Variants in ETV1 observed in about 807,000 individuals in gnomAD.
The protein encoded by ETV1 is ETS translocation variant 1.
Under a neutral mutation model 62.3 loss-of-function variants are expected in ETV1, and 27 were observed. The ratio of observed to expected loss-of-function variants is 0.43; its 90% confidence interval spans 0.32 to 0.60. The LOEUF (loss-of-function observed/expected upper bound fraction) is 0.60, where lower values mean the gene tolerates loss of function less well. Among genes scored for constraint, ETV1 ranks in the 20% least tolerant of loss-of-function variants. The pLI is 0.06. For synonymous variants in ETV1, 222 were observed against 199.6 expected (o/e 1.11, Z -0.94); for missense variants, 605 against 605.8 (o/e 1.00, Z 0.01).
chr7:13,979,098 A>C (rs144303572), intron 5 of ETV1, among the ~76,000 whole-genome samples: 1,806 of 152,244 alleles, frequency 0.012, 34 homozygotes, highest in African/African-American at 0.041. Context: ...CAAAGTTAGC[A>C]AACTGCAAAT....
chr7:13,925,151 G>C (rs1785265250), intron 9 of ETV1, among the ~76,000 whole-genome samples: 1 of 151,982 alleles, frequency 6.6e-6, no homozygotes, highest in African/African-American at 2.4e-5. Context: ...TCTTGCCTTT[G>C]AAAGTTCTTC....
At chr7:13,948,076 C>T (rs1031016479) in intron 6 of ETV1, among the ~76,000 whole-genome samples, 3 of 152,160 alleles carry the variant, frequency 2.0e-5, no homozygotes, top group Non-Finnish European at 2.9e-5. Flanking sequence ...AGGCAATCTG[C>T]CTTCTTTCAA....
At chr7:13,938,204 C>A (rs537661973) in intron 7 of ETV1, among the ~76,000 whole-genome samples, 38 of 152,182 alleles carry the variant, frequency 2.5e-4, no homozygotes, top group Non-Finnish European at 5.0e-4. Context: ...CTCTGCCTCC[C>A]AAAGTGCTGG....
chr7:13,938,234 T>G (rs1787040161), intron 7 of ETV1, among the ~76,000 whole-genome samples: 1 of 152,214 alleles, frequency 6.6e-6, no homozygotes, highest in African/African-American at 2.4e-5. Context: ...CATGAGCCAC[T>G]GCGTCTGGCC....
At chr7:13,958,207 C>A (rs1789718325) in intron 6 of ETV1, among the ~76,000 whole-genome samples, 1 of 152,046 alleles carries the variant, frequency 6.6e-6, no homozygotes, top group Non-Finnish European at 1.5e-5. Flanking sequence ...ATACATTATA[C>A]CCTTTGCTTT....
intron 9 of ETV1, among the ~76,000 whole-genome samples, chr7:13,915,657 C>G (rs1784073098): frequency 6.6e-6 from 1 of 152,146 alleles, no homozygotes; most frequent in African/African-American, 2.4e-5. Context: ...ATATGCCATA[C>G]TTTTAGCCTG....
chr7:13,988,791 G>A (rs776583336), intron 3 of ETV1: 4 of 1,606,348 alleles, frequency 2.5e-6, no homozygotes, highest in Non-Finnish European at 3.4e-6. Flanking sequence ...TCAGAAAAAG[G>A]GGTCTTAAAA....
At chr7:13,936,276 A>G (rs1786799013) in intron 7 of ETV1, among the ~76,000 whole-genome samples, 1 of 152,206 alleles carries the variant, frequency 6.6e-6, no homozygotes, top group South Asian at 2.1e-4. Flanking sequence ...CTGATATTAT[A>G]TTCTTCTTTT....
In ETV1 at chr7:13,892,214, T is replaced by C. The variant is rs1460516608; in HGVS notation, c.*3652A>G. 4.3e-6 allele frequency: 1 copy of C among 232,524 alleles called. No individual in the cohort carries two copies. The highest frequency in any genetic ancestry group is 8.5e-6 in the Non-Finnish European group (1 of 117,736). 14.4% of individuals were successfully genotyped at this position (232,524 alleles called of 1,614,324 possible). On this transcript the variant is annotated 3_prime_UTR_variant, in exon 14 of 14. Transcript: ENST00000430479. ...ATGTATTAAAAAATAAAATCTGGAT[T>C]AGACCACTGATTTAACTGTTATTAC...
intron 5 of ETV1, chr7:13,986,393 C>G: frequency 6.7e-7 from 1 of 1,483,700 alleles, no homozygotes; most frequent in Non-Finnish European, 8.9e-7. Context: ...TTAGTTCTTG[C>G]CAAAAGCAGA....
chr7:13,932,173 C>T lies in ETV1; in HGVS notation c.555-424G>A, dbSNP rs150569888. Reference sequence around the variant, plus strand: ...TATACCAGAAAAAGATCTCAAACTGCATCCTCTATCTTTTAATTCTGTTAC... The same window carrying T: ...TATACCAGAAAAAGATCTCAAACTGTATCCTCTATCTTTTAATTCTGTTAC... On this transcript the variant is annotated intron_variant, in intron 8 of 13. Transcript: ENST00000430479. 4.1e-3 allele frequency among the ~76,000 whole-genome samples: 628 copies of T among 152,174 alleles called. 5 individuals carry two copies. Among genetic ancestry groups the T allele is most frequent in the African/African-American group, 0.014 (596 of 41,518 alleles).
At chr7:13,979,690 C>A (rs1298293156) in intron 5 of ETV1, among the ~76,000 whole-genome samples, 4 of 152,050 alleles carry the variant, frequency 2.6e-5, no homozygotes, top group African/African-American at 7.2e-5. Context: ...TCAACCACAA[C>A]AATTACTGGG....
intron 8 of ETV1, among the ~76,000 whole-genome samples, chr7:13,935,055 T>A (rs1411312966): frequency 1.3e-5 from 2 of 152,240 alleles, no homozygotes; most frequent in African/African-American, 4.8e-5. Context: ...TACTTAAATA[T>A]GAATTTCTTA....
chr7:13,901,219 G>C (rs1178691537), intron 12 of ETV1, among the ~76,000 whole-genome samples: 2 of 152,090 alleles, frequency 1.3e-5, no homozygotes, highest in African/African-American at 4.8e-5. Flanking sequence ...TGGCCAGGCT[G>C]GTCTCGAACT....
At chr7:13,915,666 T>C (rs1457030713) in intron 9 of ETV1, among the ~76,000 whole-genome samples, 2 of 152,212 alleles carry the variant, frequency 1.3e-5, no homozygotes, top group Admixed American at 1.3e-4. Flanking sequence ...ACTTTTAGCC[T>C]GCTTTTCCAA....
intron 5 of ETV1, chr7:13,986,244 AATG>A (rs2128513379): frequency 1.9e-6 from 3 of 1,545,820 alleles, no homozygotes; most frequent in African/African-American, 1.4e-5. Context: ...AACACCAAAT[AATG>A]ATATGCGCTG....
Position 13,989,595 on chromosome 7 carries a change from A to C in ETV1, c.-317T>G. On this transcript the variant is annotated 5_prime_UTR_variant, in exon 1 of 14. Transcript: ENST00000430479. ...CCACGCTAGGCGAAAGGCTGCAAAA[A>C]CTTCCCTCCAAATTTAATAAAAACA... 1.3e-5 allele frequency: 5 copies of C among 398,978 alleles called. No homozygotes were observed. The highest frequency in any genetic ancestry group is 2.2e-5 in the Non-Finnish European group (5 of 226,124). 24.7% of individuals were successfully genotyped at this position (398,978 alleles called of 1,614,324 possible). A position where few individuals can be genotyped will look rare whatever the true frequency, so the allele number is the denominator to read the frequency against.
intron 9 of ETV1, among the ~76,000 whole-genome samples, chr7:13,924,120 G>A (rs1193384334): frequency 2.0e-5 from 3 of 152,044 alleles, no homozygotes; most frequent in African/African-American, 4.8e-5. Context: ...TCTTTACATC[G>A]ATTTGAGATC....
intron 5 of ETV1, among the ~76,000 whole-genome samples, chr7:13,981,300 C>A (rs1255047836): frequency 6.6e-6 from 1 of 152,100 alleles, no homozygotes; most frequent in Non-Finnish European, 1.5e-5. Flanking sequence ...GCAGGCAGAA[C>A]TGGAGTTCTG....
Sources: gnomAD v4.1 joint callset for allele counts (sites outside exome capture counted in the v4.1 genomes callset) on GRCh38, gnomAD v4.1.1 for gene constraint, MANE v1.5 for transcripts, NCBI Gene and HGNC (gene_info 2026-07-23, HGNC 2026-07-21) for gene names.